MIA2: variants seen among roughly 807,000 people sequenced by gnomAD.
MIA2 encodes MIA SH3 domain ER export factor 2.
MIA2 carries 127 observed loss-of-function variants against 167.8 expected under a neutral mutation model. The ratio of observed to expected loss-of-function variants is 0.76; its 90% CI spans 0.66 to 0.88. The LOEUF (loss-of-function observed/expected upper bound fraction) is 0.88, where lower values mean the gene tolerates loss of function less well. Among genes scored for constraint, MIA2 ranks in the 40% least tolerant of loss-of-function variants. MIA2 has a pLI of 0.00. For missense variants in MIA2, 1,690 were observed against 1,624.7 expected (o/e 1.04, Z -0.69); for synonymous variants, 552 against 541.9 (o/e 1.02, Z -0.26).
intron 19 of MIA2, among the ~76,000 whole-genome samples, chr14:39,314,508 C>A: frequency 6.7e-6 from 1 of 149,246 alleles, no homozygotes. Context: ...TAGGTAAACT[C>A]AAGTAGTAGT....
chr14:39,367,254 A>G lies in MIA2; in HGVS notation c.2248+18277A>G, dbSNP rs536326639. Among the ~76,000 whole-genome samples, 5 of 152,224 alleles carry G rather than the reference A, an allele frequency of 3.3e-5. No homozygotes were observed. In the South Asian group the frequency reaches 8.3e-4, roughly 25 times the overall value. On this transcript the variant is annotated intron_variant, in intron 23 of 23. Coordinates refer to the MIA2 transcript ENST00000341502. The stretch of plus-strand genomic sequence containing the variant: ...CGACCCTGTCATTCCACTGAGTCCA[A>G]CTGATACTATGCCACTGCAGTCATT...
At chr14:39,300,925 T>C (rs1595314750) in intron 14 of MIA2, among the ~76,000 whole-genome samples, 1 of 124,552 alleles carries the variant, frequency 8.0e-6, no homozygotes, top group Non-Finnish European at 1.7e-5. Context: ...CATATATATA[T>C]ATACACACAC....
intron 6 of MIA2, among the ~76,000 whole-genome samples, chr14:39,260,297 G>A (rs1386693124): frequency 6.6e-6 from 1 of 152,188 alleles, no homozygotes; most frequent in Admixed American, 6.5e-5. Context: ...CTTCCACAGT[G>A]GTTGAACTAG....
chr14:39,333,270 AAG>A lies in MIA2; in HGVS notation c.3655+6251_3655+6252del, dbSNP rs779816011. Among the ~76,000 whole-genome samples, 102 of 152,154 alleles carry A rather than the reference AAG, an allele frequency of 6.7e-4. 1 individual carries two copies. Among genetic ancestry groups the A allele is most frequent in the Non-Finnish European group, 1.8e-4 (12 of 68,032 alleles). On this transcript the variant is annotated intron_variant, in intron 25 of 28. Transcript: ENST00000640607. Reference sequence around the variant, plus strand: ...ATTCTGGATTCTATTCTATTCCTCTAAGAGTGTTACTGGTCTTGCTGTAGAAG... The same window carrying A: ...ATTCTGGATTCTATTCTATTCCTCTAAGTGTTACTGGTCTTGCTGTAGAAG...
intron 6 of MIA2, chr14:39,265,677 A>T (rs1379510379): frequency 1.1e-5 from 4 of 360,558 alleles, no homozygotes; most frequent in African/African-American, 8.6e-5. Flanking sequence ...AAAACCTGAA[A>T]ATTATTCTGG....
rs775265763 is a variant in MIA2, at chr14:39,386,936, G to GAGGT, written c.2303_2304insTAGG (p.Pro769ArgfsTer37). ...GCCCCGGCTTCAGGTAGGGGCCTAG[G>GAGGT]AGGGCCCCAGAAATGAAGCCGAAGC... On this transcript the variant is annotated frameshift_variant, in exon 24 of 24. Coordinates refer to the MIA2 transcript ENST00000341502. LOFTEE classifies it high-confidence loss of function. 3.1e-5 allele frequency: 24 copies of GAGGT among 770,800 alleles called. No homozygotes were observed. In the South Asian group the frequency reaches 3.5e-4, roughly 11 times the overall value. 47.7% of individuals were successfully genotyped at this position (770,800 alleles called of 1,614,324 possible).
intron 23 of MIA2, among the ~76,000 whole-genome samples, chr14:39,372,534 A>G (rs2074968879): frequency 6.6e-6 from 1 of 152,192 alleles, no homozygotes; most frequent in East Asian, 1.9e-4. Context: ...TGGGTACCAT[A>G]TGTTAAATGT....
At chr14:39,361,710 G>T (rs1457493004) in intron 23 of MIA2, among the ~76,000 whole-genome samples, 2 of 152,156 alleles carry the variant, frequency 1.3e-5, no homozygotes, top group African/African-American at 4.8e-5. Flanking sequence ...AAACTGCTGG[G>T]ATTACAGGCT....
At chr14:39,326,156 C>T (rs762455581) in intron 24 of MIA2, among the ~76,000 whole-genome samples, 10 of 152,198 alleles carry the variant, frequency 6.6e-5, no homozygotes, top group Admixed American at 2.0e-4. Context: ...ATTATTTCAA[C>T]AGTGCTGTTG....
At chr14:39,285,567 C>T (rs2152788242) in intron 9 of MIA2, among the ~76,000 whole-genome samples, 1 of 143,602 alleles carries the variant, frequency 7.0e-6, no homozygotes, top group Non-Finnish European at 1.5e-5. Context: ...CGGGCGGGGG[C>T]TGACCCCCCG....
At chr14:39,341,349 A>G (rs1290250010) in intron 25 of MIA2, among the ~76,000 whole-genome samples, 1 of 152,134 alleles carries the variant, frequency 6.6e-6, no homozygotes, top group Non-Finnish European at 1.5e-5. Flanking sequence ...TAAATGATGG[A>G]TAATATAACA....
chr14:39,240,165 C>T (rs1026440021), intron 2 of MIA2, among the ~76,000 whole-genome samples: 7 of 152,168 alleles, frequency 4.6e-5, no homozygotes, highest in Admixed American at 1.3e-4. Flanking sequence ...ATCCTGAAAA[C>T]ATTGAATATG....
intron 23 of MIA2, among the ~76,000 whole-genome samples, chr14:39,372,562 A>G (rs2074969458): frequency 6.6e-6 from 1 of 152,220 alleles, no homozygotes; most frequent in South Asian, 2.1e-4. Flanking sequence ...GATTGCATGA[A>G]CTTCGTAAAT....
intron 6 of MIA2, chr14:39,266,171 A>C (rs2152669616): frequency 1.0e-6 from 1 of 985,384 alleles, no homozygotes; most frequent in Non-Finnish European, 1.2e-6. Flanking sequence ...GTTTAGGAGG[A>C]AGTATCTGCT....
Position 39,321,661 on chromosome 14 carries a change from A to G in MIA2, c.3496+605A>G, listed in dbSNP as rs991995095. ...CCATATTTTTGACTTCTTAAAAACT[A>G]TATATTACATGATATAATATAAAAT... On this transcript the variant is annotated intron_variant, in intron 24 of 28. Coordinates refer to ENST00000640607, the MANE Select transcript of MIA2 (RefSeq NM_001329214.4). Among the ~76,000 whole-genome samples the G allele has an allele frequency of 2.6e-5, 4 of 152,038 alleles. No individual in the cohort carries two copies. In the East Asian group the frequency reaches 5.8e-4, roughly 22 times the overall value.
At chr14:39,273,139 T>C (rs2057421874) in intron 6 of MIA2, among the ~76,000 whole-genome samples, 1 of 152,184 alleles carries the variant, frequency 6.6e-6, no homozygotes, top group African/African-American at 2.4e-5. Context: ...CTTTTATTTA[T>C]TTTTCTTTCC....
At chr14:39,241,244 T>C (rs1325537815) in intron 3 of MIA2, among the ~76,000 whole-genome samples, 1 of 152,186 alleles carries the variant, frequency 6.6e-6, no homozygotes, top group Non-Finnish European at 1.5e-5. Flanking sequence ...TTTCAATTAA[T>C]AAACTTGGTT....
intron 23 of MIA2, among the ~76,000 whole-genome samples, chr14:39,372,302 TAAAAA>T (rs916531077): frequency 6.7e-6 from 1 of 148,678 alleles, no homozygotes; most frequent in African/African-American, 2.5e-5. Context: ...TGTGAAAACG[TAAAAA>T]AAAAAGTTGA....
chr14:39,350,377 T>G lies in MIA2; in HGVS notation c.*113T>G, dbSNP rs1039116463. 7 of 526,184 alleles carry G rather than the reference T, an allele frequency of 1.3e-5. No homozygotes were observed. The highest frequency in any genetic ancestry group is 2.4e-5 in the Non-Finnish European group (7 of 293,402). The allele number at this position is 526,184 out of a possible 1,614,324, so 32.6% of individuals were successfully genotyped here. On this transcript the variant is annotated 3_prime_UTR_variant, in exon 29 of 29. Coordinates refer to ENST00000640607, the MANE Select transcript of MIA2 (RefSeq NM_001329214.4). ...CTCAAATTGAAGCTTAATGGAATTA[T>G]AATTCTCAGGATAGTATTTTGTAAA...
Sources: allele counts gnomAD v4.1 joint callset (sites outside exome capture counted in the v4.1 genomes callset), GRCh38; gene constraint gnomAD v4.1.1; transcripts MANE v1.5; gene names NCBI Gene and HGNC (gene_info 2026-07-23, HGNC 2026-07-21).